MAD1L1: variants seen among roughly 807,000 people sequenced by gnomAD.
The protein encoded by MAD1L1 is mitotic arrest deficient 1 like 1.
In MAD1L1, 95 loss-of-function variants were observed where a neutral mutation model predicts 96.9. The observed-to-expected ratio is 0.98, with a 90% CI of 0.83 to 1.16. The LOEUF (loss-of-function observed/expected upper bound fraction) is 1.16, where lower values mean the gene tolerates loss of function less well. Ranked by LOEUF, MAD1L1 falls within the 50% of genes most tolerant of loss-of-function variation. The pLI is 0.00. For synonymous variants in MAD1L1, 473 were observed against 396.6 expected (o/e 1.19, Z -2.29); for missense variants, 1,007 against 954.4 (o/e 1.06, Z -0.73).
intron 10 of MAD1L1, among the ~76,000 whole-genome samples, chr7:2,184,603 T>C (rs1791371319): frequency 6.6e-6 from 1 of 152,152 alleles, no homozygotes; most frequent in Non-Finnish European, 1.5e-5. Flanking sequence ...GATGTGGATG[T>C]GAATTAACCA....
chr7:2,109,871 C>A lies in MAD1L1; in HGVS notation c.1073+39281G>T, dbSNP rs1558463. 6.4e-4 allele frequency among the ~76,000 whole-genome samples: 98 copies of A among 152,302 alleles called. 2 individuals carry two copies. In the South Asian group the frequency reaches 0.019, roughly 30 times the overall value. The stretch of plus-strand genomic sequence containing the variant: ...GATACGCTAATTATTCCTTTGAATC[C>A]GTTTGGGTACTTTCTGAACACACAC... On this transcript the variant is annotated intron_variant, in intron 11 of 18. Coordinates refer to ENST00000265854, the MANE Select transcript of MAD1L1 (RefSeq NM_001013836.2).
chr7:1,917,383 T>C (rs1234470777), intron 17 of MAD1L1, among the ~76,000 whole-genome samples: 1 of 152,080 alleles, frequency 6.6e-6, no homozygotes, highest in African/African-American at 2.4e-5. Context: ...GATAAGGACA[T>C]GGGGGCCGAG....
At chr7:2,105,376 G>A (rs995750311) in intron 11 of MAD1L1, among the ~76,000 whole-genome samples, 2 of 150,004 alleles carry the variant, frequency 1.3e-5, no homozygotes, top group East Asian at 2.0e-4. Flanking sequence ...CGCAGAAACC[G>A]CAGTGCCCTA....
At chr7:2,020,732 G>C (rs2128501356) in intron 12 of MAD1L1, among the ~76,000 whole-genome samples, 1 of 151,916 alleles carries the variant, frequency 6.6e-6, no homozygotes, top group East Asian at 1.9e-4. Flanking sequence ...AACTTCATCT[G>C]AGACGACAGC....
rs571225575 is a variant in MAD1L1 at position 2,026,216 on chromosome 7, G to A, written c.1219-11574C>T. On this transcript the variant is annotated intron_variant, in intron 12 of 18. Coordinates refer to ENST00000265854, the MANE Select transcript of MAD1L1 (RefSeq NM_001013836.2). ...GGAGATTTAAAAATCAAAACAATCC[G>A]CAGAGATAAAGAATGTCTCATAATA... is the stretch of plus-strand genomic sequence containing the variant. 5.5e-4 allele frequency among the ~76,000 whole-genome samples: 83 copies of A among 152,142 alleles called. 1 individual carries two copies. Among genetic ancestry groups the A allele is most frequent in the African/African-American group, 1.2e-3 (51 of 41,518 alleles).
chr7:1,987,342 T>C (rs1584004697), intron 14 of MAD1L1, among the ~76,000 whole-genome samples: 1 of 152,046 alleles, frequency 6.6e-6, no homozygotes, highest in Non-Finnish European at 1.5e-5. Context: ...GGCACACGGG[T>C]GGGCAGATGG....
At chr7:2,072,384 C>T (rs965787854) in intron 11 of MAD1L1, among the ~76,000 whole-genome samples, 2 of 152,232 alleles carry the variant, frequency 1.3e-5, no homozygotes, top group Admixed American at 1.3e-4. Flanking sequence ...CCTACACTGA[C>T]ACTGGCCCCA....
intron 12 of MAD1L1, among the ~76,000 whole-genome samples, chr7:2,061,892 T>C (rs1010290233): frequency 1.3e-5 from 2 of 152,220 alleles, no homozygotes; most frequent in South Asian, 2.1e-4. Flanking sequence ...TAACGTGTAA[T>C]GGAAGCCAGG....
At chr7:1,843,504 G>A (rs1044081478) in intron 18 of MAD1L1, among the ~76,000 whole-genome samples, 3 of 152,174 alleles carry the variant, frequency 2.0e-5, no homozygotes, top group African/African-American at 7.2e-5. Context: ...GCGCTTCCCC[G>A]TGTCTGACTG....
At chr7:2,039,199 T>C (rs867174415) in intron 12 of MAD1L1, among the ~76,000 whole-genome samples, 2 of 152,246 alleles carry the variant, frequency 1.3e-5, no homozygotes, top group Non-Finnish European at 2.9e-5. Context: ...TTATCCACAG[T>C]GAATTCCTTC....
intron 10 of MAD1L1, among the ~76,000 whole-genome samples, chr7:2,196,977 T>C (rs1285841318): frequency 6.6e-6 from 1 of 152,212 alleles, no homozygotes. Flanking sequence ...CGCCAGGTCC[T>C]CGCCCTGCGA....
intron 7 of MAD1L1, among the ~76,000 whole-genome samples, chr7:2,216,650 G>A (rs1042666559): frequency 6.6e-6 from 1 of 152,182 alleles, no homozygotes; most frequent in Non-Finnish European, 1.5e-5. Context: ...GTTCATCACC[G>A]TCACACGTGC....
At chr7:1,820,140 A>G (rs1782047733) in intron 18 of MAD1L1, among the ~76,000 whole-genome samples, 1 of 152,188 alleles carries the variant, frequency 6.6e-6, no homozygotes, top group Non-Finnish European at 1.5e-5. Flanking sequence ...AGACAACAGG[A>G]AAACTGTAAG....
intron 11 of MAD1L1, among the ~76,000 whole-genome samples, chr7:2,139,095 C>T (rs748893291): frequency 3.3e-5 from 5 of 152,060 alleles, no homozygotes; most frequent in Non-Finnish European, 4.4e-5. Context: ...GAAGAGCAGG[C>T]GAGGCTGCCT....
At chr7:2,121,627 T>C (rs778560468) in intron 11 of MAD1L1, among the ~76,000 whole-genome samples, 1 of 152,150 alleles carries the variant, frequency 6.6e-6, no homozygotes, top group Non-Finnish European at 1.5e-5. Flanking sequence ...CCTGGAAATG[T>C]TGCCAGCAGG....
chr7:2,002,146 C>A, intron 13 of MAD1L1, 25 bp from the exon 14 acceptor site: 2 of 1,611,414 alleles, frequency 1.2e-6, no homozygotes, highest in Non-Finnish European at 1.7e-6. Context: ...AGGATTCGGC[C>A]TGAGACTGTG....
rs1786032432 is a variant in MAD1L1 at position 2,088,328 on chromosome 7, G to A, written c.1074-18990C>T. Among the ~76,000 whole-genome samples, 1 of 152,200 alleles carries A rather than the reference G, an allele frequency of 6.6e-6. No homozygotes were observed. Among genetic ancestry groups the A allele is most frequent in the Non-Finnish European group, 1.5e-5 (1 of 68,022 alleles). On this transcript the variant is annotated intron_variant, in intron 11 of 18. Transcript: ENST00000265854. This position sits in a 1 kb window ranked among gnomAD's most constrained non-coding sequence, Gnocchi z 4.4. ...TGCGCCATCTGGTTACCAGCACGGT[G>A]GTCTCGTGCTACCCTGGTTCCGTGT...
chr7:2,155,641 C>CACA (rs1789794811), intron 10 of MAD1L1, among the ~76,000 whole-genome samples: 1 of 152,220 alleles, frequency 6.6e-6, no homozygotes, highest in Admixed American at 6.5e-5. Context: ...GCAGACTCTC[C>CACA]TTCCTTTTGA....
chr7:2,159,310 C>T (rs984764304), intron 10 of MAD1L1, among the ~76,000 whole-genome samples: 4 of 152,236 alleles, frequency 2.6e-5, no homozygotes, highest in African/African-American at 7.2e-5. Flanking sequence ...CCTCCCACAA[C>T]GGGAGCCACA....
Sources: allele counts gnomAD v4.1 joint callset (sites outside exome capture counted in the v4.1 genomes callset), GRCh38; gene constraint gnomAD v4.1.1; non-coding constraint Gnocchi (gnomAD v3.1); transcripts MANE v1.5; gene names NCBI Gene and HGNC (gene_info 2026-07-23, HGNC 2026-07-21).